The following LINGO2 variants were observed in gnomAD, a reference collection of about 807,000 sequenced individuals.
The protein encoded by LINGO2 is leucine-rich repeat and immunoglobulin-like domain-containing nogo receptor-interacting protein 2.
Under a neutral mutation model 30.6 loss-of-function variants are expected in LINGO2, and 14 were observed. That is an observed-to-expected ratio of 0.46 (90% CI 0.30 to 0.72). The LOEUF is 0.72. Ranked by LOEUF, LINGO2 falls within the 30% of genes least tolerant of loss-of-function variation. LINGO2 has a pLI of 0.07. For missense variants in LINGO2, 729 were observed against 751.7 expected, an observed-to-expected ratio of 0.97 and a Z score of 0.35; for synonymous variants, 317 against 288.5, an observed-to-expected ratio of 1.10 and a Z score of -1.00.
At chr9:28,785,430 A>C in the LINGO2 span, among the ~76,000 whole-genome samples, 1 of 152,190 alleles carries the variant, frequency 6.6e-6, no homozygotes, top group Non-Finnish European at 1.5e-5. Flanking sequence ...TTCTCCATCT[A>C]AAGTAGCTTC....
intron 5 of LINGO2, among the ~76,000 whole-genome samples, chr9:27,960,625 T>G (rs568189482): frequency 6.6e-6 from 1 of 151,816 alleles, no homozygotes; most frequent in African/African-American, 2.4e-5. Flanking sequence ...TTTTTTTTTT[T>G]TTTTTTTTTA....
At chr9:28,898,500 T>C in the LINGO2 span, among the ~76,000 whole-genome samples, 1 of 152,326 alleles carries the variant, frequency 6.6e-6, no homozygotes, top group South Asian at 2.1e-4. Flanking sequence ...TAAAGGTCTG[T>C]ATCGAGGTTT....
intron 3 of LINGO2, among the ~76,000 whole-genome samples, chr9:28,309,355 T>G (rs1824510707): frequency 1.3e-5 from 2 of 150,700 alleles, no homozygotes; most frequent in Admixed American, 1.3e-4. Flanking sequence ...CACCGCATAT[T>G]CTCACTCATA....
At chr9:29,089,261 T>C in the LINGO2 span, among the ~76,000 whole-genome samples, 2 of 151,506 alleles carry the variant, frequency 1.3e-5, no homozygotes, top group African/African-American at 4.8e-5. Context: ...TAGATAGTAT[T>C]ATTATATACT....
intron 3 of LINGO2, among the ~76,000 whole-genome samples, chr9:28,308,785 T>G (rs1210312617): frequency 1.3e-5 from 2 of 151,512 alleles, no homozygotes; most frequent in South Asian, 2.1e-4. Context: ...ATGAACAGAC[T>G]CTTCTCAAAA....
At chr9:28,847,908 TAC>T in the LINGO2 span, among the ~76,000 whole-genome samples, 14 of 114,536 alleles carry the variant, frequency 1.2e-4, no homozygotes, top group African/African-American at 2.0e-4. Context: ...AGTATATATA[TAC>T]ACACATATGT....
the LINGO2 span, among the ~76,000 whole-genome samples, chr9:29,004,615 CAT>C: frequency 6.6e-6 from 1 of 151,880 alleles, no homozygotes; most frequent in African/African-American, 2.4e-5. Context: ...TACTGAGACA[CAT>C]AGAATGCAAA....
chr9:28,692,104 T>C, the LINGO2 span, among the ~76,000 whole-genome samples: 5 of 152,170 alleles, frequency 3.3e-5, no homozygotes, highest in African/African-American at 9.7e-5. Context: ...TTTATGGTAA[T>C]TGGTATTTGC....
the LINGO2 span, among the ~76,000 whole-genome samples, chr9:29,172,085 T>C: frequency 2.0e-5 from 3 of 151,968 alleles, no homozygotes; most frequent in Admixed American, 6.6e-5. Flanking sequence ...TCTCTCTTTA[T>C]GGACTATGTC....
intron 5 of LINGO2, among the ~76,000 whole-genome samples, chr9:27,989,955 G>A (rs1159446695): frequency 6.6e-6 from 1 of 152,036 alleles, no homozygotes; most frequent in Non-Finnish European, 1.5e-5. Flanking sequence ...GAGAAGAGAA[G>A]AGAGGAGGAA....
the LINGO2 span, among the ~76,000 whole-genome samples, chr9:28,957,368 G>A: frequency 6.6e-6 from 1 of 152,190 alleles, no homozygotes. Context: ...GGATGCACAT[G>A]AAATTTGGCA....
the LINGO2 span, among the ~76,000 whole-genome samples, chr9:29,189,171 G>GT: frequency 7.1e-6 from 1 of 140,308 alleles, no homozygotes; most frequent in East Asian, 2.4e-4. Flanking sequence ...CCTCCTGGAC[G>GT]GGGCGGCTGG....
rs1302320642 is a variant in LINGO2 at position 28,568,633 on chromosome 9, A to C, written c.-364-92608T>G. On this transcript the variant is annotated intron_variant, in intron 1 of 5. Transcript: ENST00000379992. ...GTCACATATAAGAAACATGCCATAA[A>C]ATTATCAGCAGATTAATAACAGAAA... is the stretch of plus-strand genomic sequence containing the variant. Among the ~76,000 whole-genome samples, 6 of 152,048 alleles carry C rather than the reference A, an allele frequency of 3.9e-5. No individual in the cohort carries two copies. In the East Asian group the frequency reaches 1.2e-3, roughly 29 times the overall value.
intron 1 of LINGO2, among the ~76,000 whole-genome samples, chr9:28,477,553 C>A (rs1374150600): frequency 6.6e-6 from 1 of 152,096 alleles, no homozygotes; most frequent in Non-Finnish European, 1.5e-5. Context: ...GAAACATTTG[C>A]CTTGTATTCA....
chr9:28,965,997 T>C, the LINGO2 span, among the ~76,000 whole-genome samples: 1 of 152,154 alleles, frequency 6.6e-6, no homozygotes, highest in African/African-American at 2.4e-5. Context: ...ATCCCACTTG[T>C]GTGCCTGTAG....
intron 5 of LINGO2, among the ~76,000 whole-genome samples, chr9:27,984,501 A>T (rs1333329043): frequency 6.6e-6 from 1 of 151,850 alleles, no homozygotes; most frequent in Non-Finnish European, 1.5e-5. Flanking sequence ...AGAAGGGAAA[A>T]CACACCTCCT....
At chr9:28,725,503 G>T in the LINGO2 span, among the ~76,000 whole-genome samples, 1 of 150,592 alleles carries the variant, frequency 6.6e-6, no homozygotes, top group African/African-American at 2.4e-5. Flanking sequence ...ATACAACAGG[G>T]GGAATAATCC....
At chr9:28,642,302 A>C (rs1037746444) in intron 1 of LINGO2, among the ~76,000 whole-genome samples, 2 of 152,108 alleles carry the variant, frequency 1.3e-5, no homozygotes, top group Non-Finnish European at 2.9e-5. Flanking sequence ...TGAGATAACT[A>C]ATTTTTAGAA....
chr9:27,999,107 GGAA>G (rs1821814141), intron 5 of LINGO2, among the ~76,000 whole-genome samples: 1 of 151,884 alleles, frequency 6.6e-6, no homozygotes, highest in South Asian at 2.1e-4. Flanking sequence ...AATAATACCT[GGAA>G]GAAGAAAGGC....
Sources: allele counts gnomAD v4.1 joint callset (sites outside exome capture counted in the v4.1 genomes callset), GRCh38; gene constraint gnomAD v4.1.1; transcripts MANE v1.5; gene names NCBI Gene and HGNC (gene_info 2026-07-23, HGNC 2026-07-21).